Variants in CFAP46 observed in about 807,000 individuals in gnomAD.
CFAP46 encodes the protein cilia- and flagella-associated protein 46.
In CFAP46, 245 loss-of-function variants were observed where a neutral mutation model predicts 325.7. The observed-to-expected ratio is 0.75, with a 90% CI of 0.68 to 0.84. The LOEUF is 0.84. Among genes scored for constraint, CFAP46 ranks in the 40% least tolerant of loss-of-function variants. The pLI, the probability that CFAP46 is intolerant of heterozygous loss-of-function variation, is 0.00. For synonymous variants in CFAP46, 1,523 were observed against 1,495.9 expected (o/e 1.02, Z -0.42); for missense variants, 3,346 against 3,543.0 (o/e 0.94, Z 1.41).
At chr10:132,865,894 C>A in intron 35 of CFAP46, 131 bp downstream of exon 35, 1 of 899,892 alleles carries the variant, frequency 1.1e-6, no homozygotes, top group Non-Finnish European at 1.5e-6. Flanking sequence ...AGAGCTGGAC[C>A]CAGACAAGAG....
chr10:132,838,113 G>A (rs1848296261), intron 44 of CFAP46, among the ~76,000 whole-genome samples: 1 of 152,250 alleles, frequency 6.6e-6, no homozygotes, highest in South Asian at 2.1e-4. Flanking sequence ...GCAGGCAGCA[G>A]CTCCGGCCCG....
rs570335471 is a variant in CFAP46, at chr10:132,869,221, G to T, written c.4610+53C>A. ...CCGCGCAGCTGGCTTTCACCTGGCC[G>T]CACCAAGGGCGAGACTCAAACCCCA... On this transcript the variant is annotated intron_variant, in intron 33 of 57. Coordinates refer to ENST00000368586, the MANE Select transcript of CFAP46 (RefSeq NM_001200049.3). The surrounding 1 kb of genome is among the most constrained non-coding windows in gnomAD (Gnocchi z 6.2). 2 of 1,427,082 alleles carry T rather than the reference G, an allele frequency of 1.4e-6. No individual in the cohort carries two copies. The highest frequency in any genetic ancestry group is 1.9e-6 in the Non-Finnish European group (2 of 1,065,706). The allele number at this position is 1,427,082 out of a possible 1,614,324, so 88.4% of individuals were successfully genotyped here. A position where few individuals can be genotyped will look rare whatever the true frequency, so the allele number is the denominator to read the frequency against.
chr10:132,896,498 T>TA (rs1849323046), intron 24 of CFAP46, among the ~76,000 whole-genome samples: 1 of 152,212 alleles, frequency 6.6e-6, no homozygotes, highest in Admixed American at 6.5e-5. Flanking sequence ...AACAGCACCT[T>TA]AAAAAATTAA....
intron 39 of CFAP46, 98 bp from the exon 40 acceptor site, chr10:132,851,403 T>G (rs1848542585): frequency 1.7e-6 from 2 of 1,203,296 alleles, no homozygotes; most frequent in African/African-American, 1.5e-5. Context: ...CGTAAGAAAC[T>G]CATAACAAAC....
chr10:132,808,612 G>T lies in CFAP46; in HGVS notation c.7957C>A (p.Pro2653Thr), dbSNP rs902421120. The T allele has an allele frequency of 1.2e-6, 2 of 1,611,780 alleles. No individual in the cohort carries two copies. Among genetic ancestry groups the T allele is most frequent in the Non-Finnish European group, 1.7e-6 (2 of 1,179,430 alleles). ...GCGGCTGCCTTGCGGGAAGTCGCTG[G>T]GGGAGGGTCCCTGGCTGAGGCTGCA... Reference protein sequence around the residue: ...LGAASARDPPPATSRKAAAWT... With the variant: ...LGAASARDPPTATSRKAAAWT... Residue 2653 changes from proline to threonine, a missense_variant, in exon 58 of 58, where the codon CCA becomes ACA. Transcript: ENST00000368586. This position sits in a 1 kb window ranked among gnomAD's most constrained non-coding sequence, Gnocchi z 6.8.
intron 41 of CFAP46, among the ~76,000 whole-genome samples, chr10:132,848,716 T>C (rs2135120726): frequency 6.6e-6 from 1 of 152,342 alleles, no homozygotes. Flanking sequence ...TGGATTCAAC[T>C]GTGAAAATGG....
In CFAP46 at chr10:132,834,108, C is replaced by A. The variant is rs1014567018; in HGVS notation, c.6882G>T (p.Ala2294=). The change falls in exon 49 of 58, where the codon GCG becomes GCT. Residue 2294 remains alanine, a synonymous_variant. Transcript: ENST00000368586. ...TCGACTTCCCTGAATCGGCAACAAC[C>A]GCAGGTGTCTGCACTCTGAAAGTCA... The part of the protein sequence containing the change: ...SLSKARVQTP[A]VVADSGKSKG... 6.2e-7 allele frequency: 1 copy of A among 1,614,054 alleles called. No homozygotes were observed. Among genetic ancestry groups the A allele is most frequent in the African/African-American group, 1.3e-5 (1 of 75,044 alleles).
chr10:132,939,074 G>A lies in CFAP46; in HGVS notation c.372-321C>T, dbSNP rs1409341756. Among the ~76,000 whole-genome samples, 2 of 152,126 alleles carry A rather than the reference G, an allele frequency of 1.3e-5. No individual in the cohort carries two copies. Among genetic ancestry groups the A allele is most frequent in the South Asian group, 2.1e-4 (1 of 4,824 alleles). ...TCATCAATTATTCCACAAACTGATCGGCCCCCTCCCATGAAAATACACCAC... is the reference window on the plus strand; with the variant it reads ...TCATCAATTATTCCACAAACTGATCAGCCCCCTCCCATGAAAATACACCAC... On this transcript the variant is annotated intron_variant, in intron 4 of 57. Coordinates refer to ENST00000368586, the MANE Select transcript of CFAP46 (RefSeq NM_001200049.3). This position sits in a 1 kb window ranked among gnomAD's most constrained non-coding sequence, Gnocchi z 4.6.
intron 32 of CFAP46, among the ~76,000 whole-genome samples, chr10:132,871,401 AGTGATTCTTCTGATG>A (rs1848894213): frequency 2.6e-5 from 4 of 152,228 alleles, no homozygotes; most frequent in Non-Finnish European, 5.9e-5. Context: ...TGCCGCAGAG[AGTGATTCTTCTGATG>A]GATCTGGGCA....
Position 132,876,741 on chromosome 10 carries a change from G to T in CFAP46, c.4362+71C>A. 1 of 1,446,072 alleles carries T rather than the reference G, an allele frequency of 6.9e-7. No homozygotes were observed. The highest frequency in any genetic ancestry group is 9.2e-7 in the Non-Finnish European group (1 of 1,083,836). 89.6% of individuals were successfully genotyped at this position (1,446,072 alleles called of 1,614,324 possible). The stretch of plus-strand genomic sequence containing the variant: ...TGGCTACAGTTCACAGTGAAAACTG[G>T]ACTTGGGGACAGGTCAAGGGGACAC... On this transcript the variant is annotated intron_variant, in intron 31 of 57. Transcript: ENST00000368586. The surrounding 1 kb of genome is among the most constrained non-coding windows in gnomAD (Gnocchi z 4.1).
chr10:132,866,666 G>A (rs990452468), intron 34 of CFAP46, among the ~76,000 whole-genome samples: 1 of 152,164 alleles, frequency 6.6e-6, no homozygotes, highest in Non-Finnish European at 1.5e-5. Context: ...CAGAGCCCCC[G>A]GCCTGGGGCG....
intron 50 of CFAP46, among the ~76,000 whole-genome samples, chr10:132,824,789 G>A: frequency 7.3e-6 from 1 of 137,922 alleles, no homozygotes; most frequent in East Asian, 2.2e-4. Flanking sequence ...TGTGAGTGCT[G>A]ATGTGTGCTG....
At chr10:132,838,162 C>T (rs1002413630) in intron 44 of CFAP46, among the ~76,000 whole-genome samples, 2 of 152,216 alleles carry the variant, frequency 1.3e-5, no homozygotes, top group African/African-American at 4.8e-5. Context: ...AATACCAGAC[C>T]CGGCACGCAG....
rs919724495 is a variant in CFAP46, at chr10:132,846,235, G to A, written c.6268-8C>T. On this transcript the variant is annotated splice_region_variant and splice_polypyrimidine_tract_variant and intron_variant, in intron 43 of 57. Transcript: ENST00000368586. ...CTCTGAGGCCGAGCAGCTCTGAAAGGGAGCAGGGGAGGTGTACCAGGGGCC... is the reference window on the plus strand; with the variant it reads ...CTCTGAGGCCGAGCAGCTCTGAAAGAGAGCAGGGGAGGTGTACCAGGGGCC... The A allele has an allele frequency of 8.7e-6, 14 of 1,610,388 alleles. No individual in the cohort carries two copies. Among genetic ancestry groups the A allele is most frequent in the Non-Finnish European group, 1.1e-5 (13 of 1,178,990 alleles).
rs1332252185 is a variant in CFAP46, at chr10:132,881,041, T to C, written c.3628-9A>G. On this transcript the variant is annotated splice_polypyrimidine_tract_variant and intron_variant, in intron 27 of 57. Coordinates refer to ENST00000368586, the MANE Select transcript of CFAP46 (RefSeq NM_001200049.3). ...CACTCCATCTCAGGCTTCTGTGGGA[T>C]TGAACAGGAAGGGTGACATCCTCAG... The C allele has an allele frequency of 6.5e-7, 1 of 1,550,230 alleles. No individual in the cohort carries two copies. Among genetic ancestry groups the C allele is most frequent in the Admixed American group, 2.0e-5 (1 of 51,002 alleles).
chr10:132,835,158 G>T, intron 47 of CFAP46, 146 bp downstream of exon 47: 1 of 1,113,156 alleles, frequency 9.0e-7, no homozygotes, highest in Non-Finnish European at 1.2e-6. Flanking sequence ...TGGGAGTTGG[G>T]CAGTGCCCGG....
At position 132,902,246 on chromosome 10, in the gene CFAP46, C is replaced by A. The variant is rs575574148; in HGVS notation, c.2925-2580G>T. On this transcript the variant is annotated intron_variant, in intron 22 of 57. Transcript: ENST00000368586. The stretch of plus-strand genomic sequence containing the variant: ...AGACTCCAGTTACACTCAGGTTAGA[C>A]CCCCTGCTATGGCCCCACAGGTCAC... 1.9e-4 allele frequency among the ~76,000 whole-genome samples: 23 copies of A among 122,530 alleles called. No individual in the cohort carries two copies. The South Asian group carries it at 4.5e-3, about 24-fold the overall frequency. 80.4% of individuals were successfully genotyped at this position (122,530 alleles called of 152,430 possible). A position where few individuals can be genotyped will look rare whatever the true frequency, so the allele number is the denominator to read the frequency against.
intron 50 of CFAP46, among the ~76,000 whole-genome samples, chr10:132,826,434 AGCCACGGAGCCAGGCAGGAGCCG>A (rs1564768927): frequency 1.8e-3 from 142 of 77,354 alleles, no homozygotes; most frequent in Admixed American, 3.4e-3. Context: ...CACAGAGACC[AGCCACGGAGCCAGGCAGGAGCCG>A]GAGCCACAGA....
chr10:132,881,310 G>T (rs1274784111), intron 27 of CFAP46, among the ~76,000 whole-genome samples: 1 of 152,120 alleles, frequency 6.6e-6, no homozygotes, highest in East Asian at 1.9e-4. Flanking sequence ...CACCCTCCTG[G>T]GGACTCCCGG....
Sources: allele counts gnomAD v4.1 joint callset (sites outside exome capture counted in the v4.1 genomes callset), GRCh38; gene constraint gnomAD v4.1.1; non-coding constraint Gnocchi (gnomAD v3.1); transcripts MANE v1.5; gene names NCBI Gene and HGNC (gene_info 2026-07-23, HGNC 2026-07-21).